SCRN1: variants seen among roughly 807,000 people sequenced by gnomAD.
SCRN1 encodes secernin 1, also known as secernin-1.
SCRN1 carries 19 observed loss-of-function variants against 43.3 expected under a neutral mutation model. That is an observed-to-expected ratio of 0.44 (90% CI 0.31 to 0.64). The LOEUF is 0.64. Among genes scored for constraint, SCRN1 ranks in the 30% least tolerant of loss-of-function variants. The pLI is 0.09. For missense variants in SCRN1, 447 were observed against 524.1 expected, an observed-to-expected ratio of 0.85 and a Z score of 1.44; for synonymous variants, 183 against 188.9, an observed-to-expected ratio of 0.97 and a Z score of 0.26.
intron 2 of SCRN1, 27 bp downstream of exon 2, chr7:29,968,882 C>T (rs1439370109): frequency 6.2e-7 from 1 of 1,613,372 alleles, no homozygotes. Flanking sequence ...GAGAGTGTGA[C>T]TCGCGAGACT....
chr7:29,949,368 C>A (rs1382361832), intron 3 of SCRN1, among the ~76,000 whole-genome samples: 2 of 147,196 alleles, frequency 1.4e-5, no homozygotes, highest in African/African-American at 5.0e-5. Context: ...TTTCCCCTTT[C>A]TTTCCTTCAC....
intron 6 of SCRN1, among the ~76,000 whole-genome samples, chr7:29,935,049 T>C (rs1787280274): frequency 6.6e-6 from 1 of 152,250 alleles, no homozygotes; most frequent in East Asian, 1.9e-4. Flanking sequence ...CTCCTTCCTC[T>C]GTGAAGTTTT....
intron 1 of SCRN1, among the ~76,000 whole-genome samples, chr7:29,983,339 T>G (rs1243322300): frequency 2.7e-5 from 4 of 148,626 alleles, no homozygotes; most frequent in African/African-American, 4.9e-5. Context: ...CATTGGGAGA[T>G]ATACCTAATG....
At chr7:29,986,560 G>A (rs949802328) in intron 1 of SCRN1, among the ~76,000 whole-genome samples, 1 of 151,378 alleles carries the variant, frequency 6.6e-6, no homozygotes, top group Admixed American at 6.6e-5. Context: ...TAATGAAAAC[G>A]GATTTAAAAA....
intron 1 of SCRN1, among the ~76,000 whole-genome samples, chr7:29,979,349 T>A (rs1050048222): frequency 3.3e-5 from 5 of 151,858 alleles, no homozygotes; most frequent in Non-Finnish European, 5.9e-5. Context: ...GATGACAGAG[T>A]GGGATTCCAT....
intron 1 of SCRN1, among the ~76,000 whole-genome samples, chr7:29,979,558 T>C (rs1043477237): frequency 5.3e-5 from 8 of 151,796 alleles, no homozygotes; most frequent in African/African-American, 1.9e-4. Flanking sequence ...GCCGTGCCCA[T>C]TCAATGTTGG....
intron 1 of SCRN1, among the ~76,000 whole-genome samples, chr7:29,987,302 C>A (rs1789192567): frequency 6.6e-6 from 1 of 152,152 alleles, no homozygotes; most frequent in Admixed American, 6.5e-5. Context: ...TCAGAAAAGT[C>A]AAATGCAAAT....
At chr7:29,989,597 G>A in intron 1 of SCRN1, 45 bp downstream of exon 1, 1 of 985,666 alleles carries the variant, frequency 1.0e-6, no homozygotes. Flanking sequence ...GAAACCGCCG[G>A]GAAAGCAGCG....
chr7:29,971,633 C>CAAAA (rs397889529), intron 1 of SCRN1, among the ~76,000 whole-genome samples: 1 of 68,310 alleles, frequency 1.5e-5, no homozygotes. Context: ...GACCCTGTCT[C>CAAAA]AAAAAAAAAA....
intron 4 of SCRN1, among the ~76,000 whole-genome samples, chr7:29,942,220 C>A (rs1787581113): frequency 6.6e-6 from 1 of 152,096 alleles, no homozygotes; most frequent in Non-Finnish European, 1.5e-5. Context: ...ATTAGTTTCC[C>A]AGTGGGCAGA....
intron 1 of SCRN1, 145 bp downstream of exon 1, chr7:29,989,497 C>G (rs1434806247): frequency 2.1e-6 from 2 of 962,896 alleles, no homozygotes; most frequent in African/African-American, 1.8e-5. Context: ...CGGGCCAGCA[C>G]CGGGAATCGG....
chr7:29,989,723 C>T lies in SCRN1; in HGVS notation c.-83G>A. On this transcript the variant is annotated 5_prime_UTR_variant, in exon 1 of 8. Transcript: ENST00000242059. ...GCCGAGGGTGCGGGTGCTGCCGGGT[C>T]CGGATTACTGCGGCGACCTCGGGGG... is the stretch of plus-strand genomic sequence containing the variant. 1 of 986,098 alleles carries T rather than the reference C, an allele frequency of 1.0e-6. No individual in the cohort carries two copies. Among genetic ancestry groups the T allele is most frequent in the Non-Finnish European group, 1.2e-6 (1 of 830,570 alleles). The allele number at this position is 986,098 out of a possible 1,614,324, so 61.1% of individuals were successfully genotyped here. A position where few individuals can be genotyped will look rare whatever the true frequency, so the allele number is the denominator to read the frequency against.
intron 5 of SCRN1, 84 bp downstream of exon 5, chr7:29,940,598 C>G (rs1787504552): frequency 1.5e-6 from 2 of 1,303,336 alleles, no homozygotes; most frequent in Non-Finnish European, 2.1e-6. Context: ...TTTTGTTCAC[C>G]CTTCTAAGTT....
At chr7:29,934,253 C>A (rs1016409289) in intron 6 of SCRN1, among the ~76,000 whole-genome samples, 5 of 152,256 alleles carry the variant, frequency 3.3e-5, no homozygotes, top group Middle Eastern at 3.4e-3. Context: ...TTTATTTTAA[C>A]TATCAGAAGG....
intron 3 of SCRN1, among the ~76,000 whole-genome samples, chr7:29,952,702 G>GAT (rs1787990596): frequency 6.6e-6 from 1 of 151,182 alleles, no homozygotes; most frequent in Non-Finnish European, 1.5e-5. Flanking sequence ...AAAAGAGAGA[G>GAT]AGAGAGAGAA....
chr7:29,953,697 GT>G (rs899213724), intron 3 of SCRN1, among the ~76,000 whole-genome samples: 1 of 152,172 alleles, frequency 6.6e-6, no homozygotes, highest in Non-Finnish European at 1.5e-5. Context: ...GTAAGGAAAG[GT>G]AAGGAAGGCA....
chr7:29,990,135 C>T (rs1198261198), upstream of SCRN1: 5 of 1,551,460 alleles, frequency 3.2e-6, no homozygotes, highest in East Asian at 1.2e-4. Context: ...TACGTCCGGG[C>T]CTCGGCGCCC....
Position 29,944,112 on chromosome 7 carries a change from G to A in SCRN1, c.409C>T (p.His137Tyr). 6.2e-7 allele frequency: 1 copy of A among 1,614,190 alleles called. No individual in the cohort carries two copies. The highest frequency in any genetic ancestry group is 8.5e-7 in the Non-Finnish European group (1 of 1,180,030). Residue 137 changes from histidine (H) to tyrosine (Y), a missense_variant, in exon 4 of 8, where the codon CAT (histidine) becomes TAT (tyrosine). By Grantham distance (83) the His-to-Tyr change is moderately conservative. Coordinates refer to ENST00000242059, the MANE Select transcript of SCRN1 (RefSeq NM_014766.5). ...LDVIVSLLEE[H>Y]GQGGNYFEDA... ...TCAAAGTAATTCCCACCTTGTCCAT[G>A]TTCTTCCAACAAGGAGACAATGACA...
chr7:29,927,724 G>A (rs1012510677), intron 6 of SCRN1, among the ~76,000 whole-genome samples: 1 of 152,176 alleles, frequency 6.6e-6, no homozygotes, highest in Non-Finnish European at 1.5e-5. Flanking sequence ...GGTACCTCAA[G>A]TGGGCTAGAG....
Sources: gnomAD v4.1 joint callset for allele counts (sites outside exome capture counted in the v4.1 genomes callset) on GRCh38, gnomAD v4.1.1 for gene constraint, MANE v1.5 for transcripts, NCBI Gene and HGNC (gene_info 2026-07-23, HGNC 2026-07-21) for gene names.